Variants in AGBL4 observed in about 807,000 individuals in gnomAD.
AGBL4 encodes the protein cytosolic carboxypeptidase 6.
A neutral mutation model predicts 66.4 loss-of-function variants in AGBL4; 58 were observed. The observed-to-expected ratio is 0.87, with a 90% CI of 0.71 to 1.09. AGBL4 has a LOEUF of 1.09. Ranked by LOEUF, AGBL4 falls within the 50% of genes least tolerant of loss-of-function variation. The pLI is 0.00. For synonymous variants in AGBL4, 234 were observed against 222.9 expected, an observed-to-expected ratio of 1.05 and a Z score of -0.44; for missense variants, 579 against 631.0, an observed-to-expected ratio of 0.92 and a Z score of 0.88.
rs1265532393 is a variant in AGBL4, at chr1:49,948,180, C to A, written c.34+75583G>T. On this transcript the variant is annotated intron_variant, in intron 1 of 13. Coordinates refer to ENST00000371839, the MANE Select transcript of AGBL4 (RefSeq NM_032785.4). ...TACGTAAATATATAAATATATATAA[C>A]TATATATAAATATATATAAATATAA... Among the ~76,000 whole-genome samples the A allele has an allele frequency of 6.7e-3, 547 of 82,030 alleles. 5 individuals are homozygous for A. The highest frequency in any genetic ancestry group is 0.014 in the Middle Eastern group (1 of 72). 53.8% of individuals were successfully genotyped at this position (82,030 alleles called of 152,430 possible). A position where few individuals can be genotyped will look rare whatever the true frequency, so the allele number is the denominator to read the frequency against.
At position 49,244,399 on chromosome 1, in the gene AGBL4, C is replaced by A. The variant is rs1229182425; in HGVS notation, c.377+1371G>T. ...TGCCCAGAAAGACTGAGAGAAGGAG[C>A]AGCAGATTAGTTGATTTGATACAGG... On this transcript the variant is annotated intron_variant, in intron 4 of 13. Transcript: ENST00000371839. Among the ~76,000 whole-genome samples the A allele has an allele frequency of 4.6e-5, 7 of 151,796 alleles. No individual in the cohort carries two copies. The East Asian group carries it at 1.4e-3, about 29-fold the overall frequency.
intron 5 of AGBL4, among the ~76,000 whole-genome samples, chr1:49,038,232 G>C (rs1036948111): frequency 6.6e-6 from 1 of 152,008 alleles, no homozygotes; most frequent in Non-Finnish European, 1.5e-5. Flanking sequence ...ATATTCTTCT[G>C]ACCAATCTTG....
intron 5 of AGBL4, among the ~76,000 whole-genome samples, chr1:48,896,537 T>A (rs1217944406): frequency 6.6e-6 from 1 of 152,206 alleles, no homozygotes; most frequent in East Asian, 1.9e-4. Flanking sequence ...CAACTTCCAC[T>A]CTGATTTTAC....
chr1:48,964,646 C>T (rs1045474890), intron 5 of AGBL4, among the ~76,000 whole-genome samples: 3 of 152,112 alleles, frequency 2.0e-5, no homozygotes, highest in African/African-American at 7.2e-5. Context: ...AAGTAGAAAG[C>T]AGCAGAGTTT....
intron 2 of AGBL4, among the ~76,000 whole-genome samples, chr1:49,743,961 G>A (rs897623624): frequency 6.6e-6 from 1 of 151,142 alleles, no homozygotes; most frequent in African/African-American, 2.4e-5. Flanking sequence ...GTTAAATGAC[G>A]AGTTAGTGGG....
intron 1 of AGBL4, among the ~76,000 whole-genome samples, chr1:49,889,395 T>G (rs900405815): frequency 6.6e-6 from 1 of 152,208 alleles, no homozygotes; most frequent in African/African-American, 2.4e-5. Flanking sequence ...CTTTTTTTCT[T>G]TTTCAATTCA....
At chr1:48,899,056 C>T (rs1454727050) in intron 5 of AGBL4, among the ~76,000 whole-genome samples, 4 of 152,236 alleles carry the variant, frequency 2.6e-5, no homozygotes, top group Non-Finnish European at 5.9e-5. Flanking sequence ...GGGTCAGCCA[C>T]GTCGCTGGGC....
intron 3 of AGBL4, among the ~76,000 whole-genome samples, chr1:49,642,049 C>T (rs934007779): frequency 2.9e-4 from 26 of 88,850 alleles, no homozygotes; most frequent in African/African-American, 9.5e-4. Flanking sequence ...AAGAATTTTA[C>T]GAATAGAAAA....
Position 49,972,070 on chromosome 1 carries a change from A to G in AGBL4, c.34+51693T>C, listed in dbSNP as rs926670663. Among the ~76,000 whole-genome samples the G allele has an allele frequency of 2.7e-5, 4 of 150,884 alleles. No individual in the cohort carries two copies. The East Asian group carries it at 7.8e-4, about 29-fold the overall frequency. ...GTAGCTGGGACTACAGGTGCCTGCC[A>G]CCACACCCGGCTAATTTTTTGTATT... On this transcript the variant is annotated intron_variant, in intron 1 of 13. Coordinates refer to ENST00000371839, the MANE Select transcript of AGBL4 (RefSeq NM_032785.4).
At chr1:49,315,524 C>T (rs1302978654) in intron 3 of AGBL4, among the ~76,000 whole-genome samples, 2 of 151,976 alleles carry the variant, frequency 1.3e-5, no homozygotes, top group East Asian at 3.9e-4. Flanking sequence ...CTAGAATCTA[C>T]AAAGAACTTA....
At position 49,856,735 on chromosome 1, in the gene AGBL4, C is replaced by A. The variant is rs939798182; in HGVS notation, c.35-5217G>T. On this transcript the variant is annotated intron_variant, in intron 1 of 13. Transcript: ENST00000371839. ...GCTACAGAAAGAACATATCTCAACA[C>A]AATAAAGGCAATATATGACAAACCC... Among the ~76,000 whole-genome samples the A allele has an allele frequency of 2.6e-5, 4 of 151,966 alleles. No homozygotes were observed. The East Asian group carries it at 7.7e-4, about 29-fold the overall frequency.
chr1:49,309,702 T>C (rs1278280423), intron 3 of AGBL4, among the ~76,000 whole-genome samples: 2 of 151,940 alleles, frequency 1.3e-5, no homozygotes, highest in Non-Finnish European at 1.5e-5. Flanking sequence ...GAAATAAAAT[T>C]ACATAGTCAC....
intron 2 of AGBL4, among the ~76,000 whole-genome samples, chr1:49,748,990 G>A (rs1398072140): frequency 1.3e-5 from 2 of 152,062 alleles, no homozygotes; most frequent in Non-Finnish European, 2.9e-5. Flanking sequence ...TTCTTTTGCT[G>A]TGCAGAAGCT....
At chr1:48,703,175 CT>C (rs966361145) in intron 6 of AGBL4, among the ~76,000 whole-genome samples, 8 of 152,216 alleles carry the variant, frequency 5.3e-5, no homozygotes, top group African/African-American at 1.7e-4. Flanking sequence ...AGACCATCTG[CT>C]TGGTGTTCTT....
chr1:48,754,116 TA>T (rs1366184473), intron 6 of AGBL4, among the ~76,000 whole-genome samples: 1 of 152,224 alleles, frequency 6.6e-6, no homozygotes, highest in Admixed American at 6.5e-5. Context: ...TTATACTGTC[TA>T]AGTGGTACTT....
intron 4 of AGBL4, among the ~76,000 whole-genome samples, chr1:49,104,455 A>G (rs1010203997): frequency 6.6e-5 from 10 of 152,196 alleles, no homozygotes; most frequent in Admixed American, 1.3e-4. Context: ...GAGGATGTAG[A>G]AGATGCTTTA....
intron 5 of AGBL4, among the ~76,000 whole-genome samples, chr1:48,895,113 A>G (rs2148861584): frequency 6.6e-6 from 1 of 152,346 alleles, no homozygotes; most frequent in East Asian, 1.9e-4. Context: ...CTGTGGTTAG[A>G]GGAATCTAAT....
intron 4 of AGBL4, among the ~76,000 whole-genome samples, chr1:49,116,922 G>T (rs12726166): frequency 6.6e-6 from 1 of 152,096 alleles, no homozygotes; most frequent in Non-Finnish European, 1.5e-5. Context: ...TCTAACTGGC[G>T]TAAGATGAAA....
At chr1:49,962,423 AT>A (rs1455686470) in intron 1 of AGBL4, among the ~76,000 whole-genome samples, 1 of 152,146 alleles carries the variant, frequency 6.6e-6, no homozygotes. Context: ...TGTGGGGCAC[AT>A]TTGAAAAATT....
Sources: gnomAD v4.1 joint callset for allele counts (sites outside exome capture counted in the v4.1 genomes callset) on GRCh38, gnomAD v4.1.1 for gene constraint, MANE v1.5 for transcripts, NCBI Gene and HGNC (gene_info 2026-07-23, HGNC 2026-07-21) for gene names.